The following MGAT4C variants were observed in gnomAD, a reference collection of about 807,000 sequenced individuals.
The protein encoded by MGAT4C is MGAT4 family member C.
MGAT4C carries 19 observed loss-of-function variants against 40.1 expected under a neutral mutation model. The ratio of observed to expected loss-of-function variants is 0.47; its 90% CI spans 0.33 to 0.70. MGAT4C has a LOEUF of 0.70. Among genes scored for constraint, MGAT4C ranks in the 30% least tolerant of loss-of-function variants. The pLI, the probability that MGAT4C is intolerant of heterozygous loss-of-function variation, is 0.02. For synonymous variants in MGAT4C, 181 were observed against 187.1 expected, an observed-to-expected ratio of 0.97 and a Z score of 0.27; for missense variants, 491 against 563.2, an observed-to-expected ratio of 0.87 and a Z score of 1.30.
At chr12:86,685,919 G>A (rs1414308816) in intron 2 of MGAT4C, among the ~76,000 whole-genome samples, 3 of 150,838 alleles carry the variant, frequency 2.0e-5, no homozygotes, top group South Asian at 4.2e-4. Context: ...CTGGAGCGCA[G>A]TGGCACACTC....
chr12:86,151,210 T>C (rs1212330335), intron 1 of MGAT4C, among the ~76,000 whole-genome samples: 1 of 152,136 alleles, frequency 6.6e-6, no homozygotes, highest in Non-Finnish European at 1.5e-5. Flanking sequence ...GACCCTTCTT[T>C]GGAATGTGCA....
At chr12:86,108,622 C>G (rs1300049347) in intron 1 of MGAT4C, among the ~76,000 whole-genome samples, 1 of 152,124 alleles carries the variant, frequency 6.6e-6, no homozygotes, top group Non-Finnish European at 1.5e-5. Context: ...TTTACAGAGG[C>G]TGACACTTGG....
intron 1 of MGAT4C, among the ~76,000 whole-genome samples, chr12:86,835,374 A>G (rs1291625602): frequency 1.3e-5 from 2 of 151,988 alleles, no homozygotes; most frequent in Non-Finnish European, 2.9e-5. Flanking sequence ...GCATTTTTTC[A>G]AAGCAGAAGC....
At chr12:86,496,681 T>A (rs891306893) in intron 2 of MGAT4C, among the ~76,000 whole-genome samples, 1 of 151,996 alleles carries the variant, frequency 6.6e-6, no homozygotes, top group Non-Finnish European at 1.5e-5. Flanking sequence ...ATACAATAAA[T>A]ATTTATATAT....
intron 1 of MGAT4C, among the ~76,000 whole-genome samples, chr12:86,731,544 C>A (rs191391597): frequency 4.0e-4 from 60 of 151,752 alleles, no homozygotes; most frequent in African/African-American, 1.2e-3. Context: ...TCAGTACCTT[C>A]GTTTATTGTT....
chr12:86,082,427 G>T (rs547477020), intron 1 of MGAT4C, among the ~76,000 whole-genome samples: 22 of 152,252 alleles, frequency 1.4e-4, no homozygotes, highest in African/African-American at 4.8e-4. Flanking sequence ...AAAGGAATTG[G>T]TAGGCGACAA....
intron 1 of MGAT4C, among the ~76,000 whole-genome samples, chr12:86,059,913 A>G (rs1893774649): frequency 6.6e-6 from 1 of 152,206 alleles, no homozygotes; most frequent in Admixed American, 6.5e-5. Flanking sequence ...TAACCAGAGG[A>G]ATAAGAGACG....
chr12:86,114,941 T>G (rs1466211350), intron 1 of MGAT4C, among the ~76,000 whole-genome samples: 1 of 151,976 alleles, frequency 6.6e-6, no homozygotes, highest in East Asian at 1.9e-4. Flanking sequence ...ATAAATCATC[T>G]TTGAACCCAC....
chr12:86,365,126 G>A (rs962341676), intron 3 of MGAT4C, among the ~76,000 whole-genome samples: 1 of 152,112 alleles, frequency 6.6e-6, no homozygotes, highest in Non-Finnish European at 1.5e-5. Flanking sequence ...CCATTTCAGA[G>A]GTCCACCCTC....
chr12:86,172,919 G>A (rs930542040), intron 1 of MGAT4C, among the ~76,000 whole-genome samples: 2 of 152,028 alleles, frequency 1.3e-5, no homozygotes, highest in Admixed American at 1.3e-4. Flanking sequence ...AGCCATTGAT[G>A]ACTTTTCCAG....
chr12:86,298,691 G>C (rs1040866945), intron 4 of MGAT4C, among the ~76,000 whole-genome samples: 2 of 152,066 alleles, frequency 1.3e-5, no homozygotes, highest in Admixed American at 6.6e-5. Flanking sequence ...CTTATATTAA[G>C]TTGGAAAAAA....
At chr12:86,178,464 C>T (rs1477060451) in intron 1 of MGAT4C, among the ~76,000 whole-genome samples, 2 of 152,132 alleles carry the variant, frequency 1.3e-5, no homozygotes, top group Non-Finnish European at 2.9e-5. Flanking sequence ...ACTTTTTTCT[C>T]CTCCCTGCTT....
rs201855828 is a variant in MGAT4C at position 86,013,739 on chromosome 12, G to A, written c.-6-24187C>T. ...AAAAAGAACATACGGCTTTTCTAGTGTCAGTCAGGTCCACAGAATCTTAGT... is the reference window on the plus strand; with the variant it reads ...AAAAAGAACATACGGCTTTTCTAGTATCAGTCAGGTCCACAGAATCTTAGT... On this transcript the variant is annotated intron_variant, in intron 2 of 4. Transcript: ENST00000611864. The A allele has an allele frequency of 2.3e-4, 221 of 981,222 alleles. No homozygotes were observed. In the African/African-American group the frequency reaches 3.7e-3, roughly 17 times the overall value. The allele number at this position is 981,222 out of a possible 1,614,324, so 60.8% of individuals were successfully genotyped here.
At chr12:86,062,282 G>T (rs1032819467) in intron 1 of MGAT4C, among the ~76,000 whole-genome samples, 6 of 152,292 alleles carry the variant, frequency 3.9e-5, no homozygotes, top group Admixed American at 3.9e-4. Flanking sequence ...GCAGCAGAGG[G>T]TCCTGACTGT....
intron 2 of MGAT4C, among the ~76,000 whole-genome samples, chr12:86,630,368 A>C (rs1040283543): frequency 6.6e-6 from 1 of 152,208 alleles, no homozygotes; most frequent in Non-Finnish European, 1.5e-5. Flanking sequence ...ATCCCAATCA[A>C]CAGAAAAAGA....
intron 1 of MGAT4C, among the ~76,000 whole-genome samples, chr12:86,140,584 C>A (rs972447784): frequency 1.5e-4 from 23 of 151,984 alleles, no homozygotes; most frequent in Admixed American, 1.5e-3. Flanking sequence ...GTGCAGCAAA[C>A]CACCATGGTA....
chr12:86,358,509 T>G (rs2136198985), intron 3 of MGAT4C, among the ~76,000 whole-genome samples: 1 of 152,170 alleles, frequency 6.6e-6, no homozygotes, highest in Non-Finnish European at 1.5e-5. Flanking sequence ...GGCTAAATGC[T>G]CCATTTAAAA....
rs560468879 is a variant in MGAT4C, at chr12:86,550,392, T to G, written c.-228-115127A>C. Among the ~76,000 whole-genome samples, 14 of 152,252 alleles carry G rather than the reference T, an allele frequency of 9.2e-5. 1 individual carries two copies. Among genetic ancestry groups the G allele is most frequent in the Middle Eastern group, 3.4e-3 (1 of 294 alleles). ...AGTCCTTGAAAGCCCTGAGGCCACT[T>G]TGAATAGCTGCTGGGAATTCACACA... On this transcript the variant is annotated intron_variant, in intron 2 of 7. Transcript: ENST00000548651.
intron 1 of MGAT4C, among the ~76,000 whole-genome samples, chr12:86,800,994 G>A (rs912311736): frequency 6.6e-6 from 1 of 151,836 alleles, no homozygotes; most frequent in African/African-American, 2.4e-5. Context: ...TTATCACTCT[G>A]GCCTGCCTTC....
Sources: gnomAD v4.1 joint callset for allele counts (sites outside exome capture counted in the v4.1 genomes callset) on GRCh38, gnomAD v4.1.1 for gene constraint, MANE v1.5 for transcripts, NCBI Gene and HGNC (gene_info 2026-07-23, HGNC 2026-07-21) for gene names.